ZNF407: variants seen among roughly 807,000 people sequenced by gnomAD.
ZNF407 encodes the protein zinc finger protein 407.
Under a neutral mutation model 131.2 loss-of-function variants are expected in ZNF407, and 17 were observed. That is an observed-to-expected ratio of 0.13 (90% CI 0.09 to 0.19). The LOEUF is 0.19. Among genes scored for constraint, ZNF407 ranks in the 10% least tolerant of loss-of-function variants. The pLI is 1.00. For missense variants in ZNF407, 2,681 were observed against 2,830.6 expected, an observed-to-expected ratio of 0.95 and a Z score of 1.20; for synonymous variants, 1,156 against 1,062.0, an observed-to-expected ratio of 1.09 and a Z score of -1.72.
At chr18:74,820,182 G>T (rs1349907045) in intron 4 of ZNF407, among the ~76,000 whole-genome samples, 1 of 152,186 alleles carries the variant, frequency 6.6e-6, no homozygotes, top group Non-Finnish European at 1.5e-5. Flanking sequence ...TGTATTTCAG[G>T]ATTTGCAACA....
At chr18:74,883,023 T>C (rs1380968787) in intron 6 of ZNF407, among the ~76,000 whole-genome samples, 16 of 152,226 alleles carry the variant, frequency 1.1e-4, no homozygotes, top group Non-Finnish European at 1.3e-4. Context: ...GAGACAGGAA[T>C]GCTGTGATCA....
intron 3 of ZNF407, among the ~76,000 whole-genome samples, chr18:74,759,258 T>G (rs960737087): frequency 2.0e-5 from 3 of 152,218 alleles, no homozygotes; most frequent in Non-Finnish European, 2.9e-5. Flanking sequence ...ACTCTGTTGC[T>G]GCTCTCAGGA....
chr18:75,053,386 T>A lies in ZNF407; in HGVS notation c.5429-9764T>A, dbSNP rs12606986. 2.3e-3 allele frequency among the ~76,000 whole-genome samples: 350 copies of A among 152,276 alleles called. 8 individuals carry two copies. In the East Asian group the frequency reaches 0.054, roughly 23 times the overall value. On this transcript the variant is annotated intron_variant, in intron 8 of 8. Transcript: ENST00000299687. ...TCCCTTGCTTCTCAGAAAAGCTAGG[T>A]CAGGTGTGTGGAGGGAAACCACGGA... is the stretch of plus-strand genomic sequence containing the variant.
rs544838804 is a variant in ZNF407 at position 74,978,189 on chromosome 18, A to G, written c.5428+57497A>G. The stretch of plus-strand genomic sequence containing the variant: ...GAATTTGGTGAAACAGGGGTATGGA[A>G]TAATGTGACCAAAGATTTGGATGCG... On this transcript the variant is annotated intron_variant, in intron 8 of 8. Transcript: ENST00000299687. Among the ~76,000 whole-genome samples, 3 of 152,240 alleles carry G rather than the reference A, an allele frequency of 2.0e-5. No homozygotes were observed. In the South Asian group the frequency reaches 6.2e-4, roughly 32 times the overall value.
intron 1 of ZNF407, among the ~76,000 whole-genome samples, chr18:74,615,378 G>A (rs1402683591): frequency 2.0e-5 from 3 of 152,176 alleles, no homozygotes; most frequent in Non-Finnish European, 4.4e-5. Context: ...GGTGGCGCAC[G>A]CCTGTAGTCC....
At chr18:74,756,867 A>G (rs1452584246) in intron 3 of ZNF407, among the ~76,000 whole-genome samples, 1 of 151,968 alleles carries the variant, frequency 6.6e-6, no homozygotes, top group Non-Finnish European at 1.5e-5. Flanking sequence ...TTTCATCTAG[A>G]TAGTTTAGTT....
At chr18:74,786,791 A>AT (rs1969723547) in intron 4 of ZNF407, among the ~76,000 whole-genome samples, 1 of 77,696 alleles carries the variant, frequency 1.3e-5, no homozygotes, top group African/African-American at 4.4e-5. Context: ...GTAAAAAAGT[A>AT]TGTTTTTTTT....
chr18:74,912,383 C>T (rs1263812610), intron 7 of ZNF407, among the ~76,000 whole-genome samples: 3 of 152,002 alleles, frequency 2.0e-5, no homozygotes, highest in Non-Finnish European at 1.5e-5. Context: ...AAGAGCCATG[C>T]AGAATGATGA....
intron 4 of ZNF407, among the ~76,000 whole-genome samples, chr18:74,798,209 A>AACACAC (rs35388545): frequency 0.055 from 8,201 of 147,850 alleles, 292 homozygotes; most frequent in African/African-American, 0.085. Flanking sequence ...CCTTTACACA[A>AACACAC]ACACACACAC....
chr18:74,980,721 G>A (rs1259812720), intron 8 of ZNF407, among the ~76,000 whole-genome samples: 1 of 152,256 alleles, frequency 6.6e-6, no homozygotes, highest in East Asian at 1.9e-4. Flanking sequence ...AGGCATGAGT[G>A]ACATGATTTT....
At chr18:74,612,228 A>G (rs1983092506) in intron 1 of ZNF407, among the ~76,000 whole-genome samples, 1 of 152,202 alleles carries the variant, frequency 6.6e-6, no homozygotes, top group Non-Finnish European at 1.5e-5. Flanking sequence ...GATATGATAA[A>G]GTAATAAAGA....
intron 8 of ZNF407, among the ~76,000 whole-genome samples, chr18:75,013,329 T>C (rs1973005221): frequency 6.6e-6 from 1 of 152,120 alleles, no homozygotes; most frequent in African/African-American, 2.4e-5. Flanking sequence ...TGTAGATCCG[T>C]ATTTATTAAG....
chr18:74,644,302 A>G (rs1568143290), intron 3 of ZNF407, among the ~76,000 whole-genome samples: 1 of 151,566 alleles, frequency 6.6e-6, no homozygotes, highest in South Asian at 2.1e-4. Context: ...GATAGTTAAC[A>G]TGAAAATCTG....
chr18:74,929,903 C>G (rs890136105), intron 8 of ZNF407, among the ~76,000 whole-genome samples: 2 of 152,164 alleles, frequency 1.3e-5, no homozygotes, highest in Admixed American at 1.3e-4. Flanking sequence ...TGATTTTAAA[C>G]TTACAGAAAA....
intron 3 of ZNF407, among the ~76,000 whole-genome samples, chr18:74,710,655 T>G (rs1214860998): frequency 6.6e-6 from 1 of 152,202 alleles, no homozygotes. Context: ...TGTTTGTAAA[T>G]ACACCTCACA....
At chr18:74,778,455 A>G (rs540476893) in intron 3 of ZNF407, among the ~76,000 whole-genome samples, 18 of 151,760 alleles carry the variant, frequency 1.2e-4, no homozygotes, top group Admixed American at 6.5e-4. Context: ...TTCTCCTACC[A>G]CTTGACATTG....
At position 75,063,967 on chromosome 18, in the gene ZNF407, C is replaced by T. The variant is rs757353337; in HGVS notation, c.6246C>T (p.Gly2082=). Residue 2082 remains glycine (G), a synonymous_variant, in exon 9 of 9, where the codon GGC becomes GGT. Coordinates refer to ENST00000299687, the MANE Select transcript of ZNF407 (RefSeq NM_017757.3). This position sits in a 1 kb window ranked among gnomAD's most constrained non-coding sequence, Gnocchi z 6.6. ...TGGCCTTCAAGAAGATGGTCCAGGGCGTCCTCCAGTTTGCTGTGTGTGACA... is the reference window on the plus strand; with the variant it reads ...TGGCCTTCAAGAAGATGGTCCAGGGTGTCCTCCAGTTTGCTGTGTGTGACA... ...AQVAFKKMVQ[G]VLQFAVCDTA... 3.7e-6 allele frequency: 6 copies of T among 1,613,424 alleles called. No individual in the cohort carries two copies. The highest frequency in any genetic ancestry group is 4.2e-6 in the Non-Finnish European group (5 of 1,179,816).
intron 8 of ZNF407, among the ~76,000 whole-genome samples, chr18:74,982,833 A>G (rs948940679): frequency 6.6e-6 from 1 of 152,204 alleles, no homozygotes; most frequent in African/African-American, 2.4e-5. Context: ...AGGTCTTGTC[A>G]TTTCTATTCA....
intron 8 of ZNF407, among the ~76,000 whole-genome samples, chr18:74,923,579 C>T (rs1301003246): frequency 6.6e-6 from 1 of 152,008 alleles, no homozygotes; most frequent in Non-Finnish European, 1.5e-5. Context: ...TTTTAAAATG[C>T]CGGTTCTGTC....
Sources: allele counts gnomAD v4.1 joint callset (sites outside exome capture counted in the v4.1 genomes callset), GRCh38; gene constraint gnomAD v4.1.1; non-coding constraint Gnocchi (gnomAD v3.1); transcripts MANE v1.5; gene names NCBI Gene and HGNC (gene_info 2026-07-23, HGNC 2026-07-21).